The following REXO1 variants were observed in gnomAD, a reference collection of about 807,000 sequenced individuals.
REXO1 encodes the protein REX1, RNA exonuclease 1 homolog.
In REXO1, 42 loss-of-function variants were observed where a neutral mutation model predicts 102.6. That is an observed-to-expected ratio of 0.41 (90% CI 0.32 to 0.53). The LOEUF is 0.53. Among genes scored for constraint, REXO1 ranks in the 20% least tolerant of loss-of-function variants. The pLI is 0.27. For synonymous variants in REXO1, 908 were observed against 779.1 expected, an observed-to-expected ratio of 1.17 and a Z score of -2.76; for missense variants, 1,819 against 1,732.5, an observed-to-expected ratio of 1.05 and a Z score of -0.89.
chr19:1,820,545 C>A, intron 5 of REXO1, 150 bp from the exon 6 acceptor site: 1 of 846,090 alleles, frequency 1.2e-6, no homozygotes, highest in Non-Finnish European at 1.8e-6. Flanking sequence ...ACAGACACGC[C>A]AAGGCAAGAC....
In REXO1 at chr19:1,828,096, G is replaced by A. The variant is rs756993290; in HGVS notation, c.693C>T (p.Asp231=). ...AGTTGGAGAGAGGGTCATACTCCAG[G>A]TCTGTGGGTGGCCTGGAGTTGTCCA... ...YVVDNSRPPT[D]LEYDPLSNYS... The change falls in exon 2 of 16, where the codon GAC becomes GAT. Residue 231 remains aspartate (D), a synonymous_variant. Transcript: ENST00000170168. The A allele has an allele frequency of 8.1e-6, 13 of 1,613,062 alleles. No individual in the cohort carries two copies. The South Asian group carries it at 1.2e-4, about 15-fold the overall frequency.
At chr19:1,825,006 C>T (rs1381524185) in intron 3 of REXO1, among the ~76,000 whole-genome samples, 1 of 144,106 alleles carries the variant, frequency 6.9e-6, no homozygotes, top group Non-Finnish European at 1.5e-5. Context: ...AGGCTGGTCT[C>T]GAACTCCTGA....
rs746370601 is a variant in REXO1 at position 1,816,373 on chromosome 19, C to T, written c.3457-28G>A. 31 of 1,593,382 alleles carry T rather than the reference C, an allele frequency of 1.9e-5. No homozygotes were observed. In the East Asian group the frequency reaches 2.0e-4, roughly 11 times the overall value. Reference sequence around the variant, plus strand: ...GTGGGCAGCGGCAGAGATCAGCGCACGTGGGGCCTGCGCAGGTCCTGCTGG... The same window carrying T: ...GTGGGCAGCGGCAGAGATCAGCGCATGTGGGGCCTGCGCAGGTCCTGCTGG... On this transcript the variant is annotated intron_variant, in intron 14 of 15. Coordinates refer to ENST00000170168, the MANE Select transcript of REXO1 (RefSeq NM_020695.4).
At chr19:1,844,322 C>A (rs1292292773) in intron 1 of REXO1, among the ~76,000 whole-genome samples, 1 of 152,208 alleles carries the variant, frequency 6.6e-6, no homozygotes. Context: ...GGGTCACAGG[C>A]AGAGTCCGCC....
chr19:1,828,351 T>A lies in REXO1; in HGVS notation c.438A>T (p.Pro146=). ...TGCCGGGGCTGTAGTCGAAGGCCAG[T>A]GGGAAGGCATCCTCGTCCGGGCCCA... is the stretch of plus-strand genomic sequence containing the variant. The part of the protein sequence containing the change: ...PTVGPDEDAF[P]LAFDYSPGSH... Residue 146 remains proline, a synonymous_variant, in exon 2 of 16, where the codon CCA becomes CCT. Transcript: ENST00000170168. 6.2e-6 allele frequency: 10 copies of A among 1,609,774 alleles called. No homozygotes were observed. Among genetic ancestry groups the A allele is most frequent in the Non-Finnish European group, 8.5e-6 (10 of 1,178,406 alleles).
intron 1 of REXO1, among the ~76,000 whole-genome samples, 158 bp downstream of exon 1, chr19:1,848,044 C>G (rs910287224): frequency 6.6e-6 from 1 of 152,212 alleles, no homozygotes; most frequent in African/African-American, 2.4e-5. Context: ...GCACCGGGTC[C>G]CAGGGTGGGT....
rs373138200 is a variant in REXO1, at chr19:1,828,461, G to C, written c.328C>G (p.Arg110Gly). The change falls in exon 2 of 16, where the codon CGG (arginine) becomes GGG (glycine). Residue 110 changes from arginine to glycine, a missense_variant. Arg to Gly is a moderately radical substitution (Grantham distance 125). Coordinates refer to ENST00000170168, the MANE Select transcript of REXO1 (RefSeq NM_020695.4). ...TCACGGGTCGTCTCCAGCAGCTCCC[G>C]GTAGCGCCGCTGCTCCAGCTCCACC... ...SEVELEQRRY[R>G]ELLETTREHR... 1.2e-6 allele frequency: 2 copies of C among 1,607,486 alleles called. No individual in the cohort carries two copies. The highest frequency in any genetic ancestry group is 1.7e-6 in the Non-Finnish European group (2 of 1,179,650).
At chr19:1,834,865 G>A (rs1276273175) in intron 1 of REXO1, 3 of 279,444 alleles carry the variant, frequency 1.1e-5, no homozygotes, top group Non-Finnish European at 2.4e-5. Flanking sequence ...GGCATGCTAG[G>A]CGGGTCCGAG....
At position 1,816,816 on chromosome 19, in the gene REXO1, G is replaced by A; in HGVS notation, c.3202-3C>T. ...TCCAGGCCATATGTGGTGTAGGACT[G>A]CGGGCAAGGGATGCACCTCAGATGT... On this transcript the variant is annotated splice_polypyrimidine_tract_variant and splice_region_variant and intron_variant, in intron 12 of 15. Coordinates refer to ENST00000170168, the MANE Select transcript of REXO1 (RefSeq NM_020695.4). 1 of 1,606,682 alleles carries A rather than the reference G, an allele frequency of 6.2e-7. No individual in the cohort carries two copies. The highest frequency in any genetic ancestry group is 2.2e-5 in the East Asian group (1 of 44,776).
At chr19:1,817,944 G>A (rs2304613) in intron 10 of REXO1, among the ~76,000 whole-genome samples, 164 bp from the exon 11 acceptor site, 2 of 152,112 alleles carry the variant, frequency 1.3e-5, no homozygotes, top group South Asian at 2.1e-4. Flanking sequence ...CCCGGCAGTC[G>A]TGTGGCAGCC....
At position 1,820,136 on chromosome 19, in the gene REXO1, C is replaced by A. The variant is rs368906952; in HGVS notation, c.2527-79G>T. On this transcript the variant is annotated intron_variant, in intron 6 of 15. Coordinates refer to ENST00000170168, the MANE Select transcript of REXO1 (RefSeq NM_020695.4). Reference sequence around the variant, plus strand: ...CCCAGCGGTGGGGTCGCCATGGGGTCGGGGACTTGCATCTCTCCCAGGCAG... The same window carrying A: ...CCCAGCGGTGGGGTCGCCATGGGGTAGGGGACTTGCATCTCTCCCAGGCAG... 4.5e-6 allele frequency: 7 copies of A among 1,566,856 alleles called. No individual in the cohort carries two copies. In the African/African-American group the frequency reaches 8.3e-5, roughly 19 times the overall value.
In REXO1 at chr19:1,848,387, G is replaced by A. The variant is rs1188755065; in HGVS notation, c.-29C>T. On this transcript the variant is annotated 5_prime_UTR_variant, in exon 1 of 16. Coordinates refer to ENST00000170168, the MANE Select transcript of REXO1 (RefSeq NM_020695.4). ...CCGTCCCGCGGCGGGGCCCCGGCCC[G>A]GAGCCGCCCGGGCCCCAGGGCCCCC... is the stretch of plus-strand genomic sequence containing the variant. 4.2e-6 allele frequency: 5 copies of A among 1,190,988 alleles called. No individual in the cohort carries two copies. Among genetic ancestry groups the A allele is most frequent in the Middle Eastern group, 3.4e-4 (1 of 2,982 alleles). 73.8% of individuals were successfully genotyped at this position (1,190,988 alleles called of 1,614,324 possible). A position where few individuals can be genotyped will look rare whatever the true frequency, so the allele number is the denominator to read the frequency against.
chr19:1,840,268 A>G (rs10405979), intron 1 of REXO1, among the ~76,000 whole-genome samples: 43,890 of 152,036 alleles, frequency 0.29, 6,884 homozygotes, highest in East Asian at 0.43. Flanking sequence ...GGAAGGAAGG[A>G]AAGTGGGAAG....
In REXO1 at chr19:1,827,948, T is replaced by A; in HGVS notation, c.841A>T (p.Ser281Cys). ...APKKLCDPFG[S>C]CDARFSDSED... ...GAGTCTGAGAACCTTGCATCGCAAC[T>A]GCCAAAGGGGTCACAGAGCTTCTTG... Residue 281 changes from serine (S) to cysteine (C), a missense_variant, in exon 2 of 16, where the codon AGT becomes TGT. Coordinates refer to ENST00000170168, the MANE Select transcript of REXO1 (RefSeq NM_020695.4). 6.2e-7 allele frequency: 1 copy of A among 1,613,702 alleles called. No individual in the cohort carries two copies. Among genetic ancestry groups the A allele is most frequent in the South Asian group, 1.1e-5 (1 of 91,086 alleles).
intron 4 of REXO1, chr19:1,823,235 G>A (rs2069602489): frequency 3.2e-6 from 1 of 308,864 alleles, no homozygotes. Flanking sequence ...ACCTGCAGAA[G>A]CCTGCTCCCC....
chr19:1,817,453 G>A, intron 11 of REXO1, 124 bp from the exon 12 acceptor site: 1 of 1,497,068 alleles, frequency 6.7e-7, no homozygotes, highest in Non-Finnish European at 8.9e-7. Context: ...TTCACTGGTT[G>A]GGACCCTGGT....
At chr19:1,842,991 G>A (rs564671757) in intron 1 of REXO1, among the ~76,000 whole-genome samples, 7 of 152,298 alleles carry the variant, frequency 4.6e-5, no homozygotes, top group Middle Eastern at 3.4e-3. Context: ...GCAAGAAGGC[G>A]GCTGCTCTGG....
chr19:1,817,413 C>T lies in REXO1; in HGVS notation c.3091-84G>A, dbSNP rs759512613. ...AGCAGCAGCACATCTCTGAGCCCTT[C>T]GGGACCATCCTATCCATCCATCACG... On this transcript the variant is annotated intron_variant, in intron 11 of 15. Transcript: ENST00000170168. 8.3e-6 allele frequency: 13 copies of T among 1,564,922 alleles called. No homozygotes were observed. In the African/African-American group the frequency reaches 1.2e-4, roughly 15 times the overall value.
Position 1,828,408 on chromosome 19 carries a change from C to T in REXO1, c.381G>A (p.Leu127=), listed in dbSNP as rs750645662. 7 of 1,607,664 alleles carry T rather than the reference C, an allele frequency of 4.4e-6. No individual in the cohort carries two copies. Among genetic ancestry groups the T allele is most frequent in the Admixed American group, 1.7e-5 (1 of 59,622 alleles). ...REHRSAEAPA[L]APRGPNASPT... ...GGCTGGCGTTGGGGCCGCGGGGCGC[C>T]AGGGCGGGGGCCTCGGCGGAGCGGT... The change falls in exon 2 of 16, where the codon CTG becomes CTA. Residue 127 remains leucine (L), a synonymous_variant. Coordinates refer to ENST00000170168, the MANE Select transcript of REXO1 (RefSeq NM_020695.4).
Sources: allele counts gnomAD v4.1 joint callset (sites outside exome capture counted in the v4.1 genomes callset), GRCh38; gene constraint gnomAD v4.1.1; transcripts MANE v1.5; gene names NCBI Gene and HGNC (gene_info 2026-07-23, HGNC 2026-07-21).